Variants in MCC observed in about 807,000 individuals in gnomAD.
MCC encodes the protein MCC regulator of Wnt signaling pathway, also known as colorectal mutant cancer protein.
MCC carries 90 observed loss-of-function variants against 116.2 expected under a neutral mutation model. That is an observed-to-expected ratio of 0.77 (90% CI 0.65 to 0.92). The LOEUF is 0.92. Ranked by LOEUF, MCC falls within the 40% of genes least tolerant of loss-of-function variation. The pLI is 0.00. For missense variants in MCC, 1,516 were observed against 1,312.2 expected (o/e 1.16, Z -2.40); for synonymous variants, 578 against 510.5 (o/e 1.13, Z -1.78).
At chr5:113,420,420 C>T (rs568056624) in intron 1 of MCC, among the ~76,000 whole-genome samples, 3 of 152,228 alleles carry the variant, frequency 2.0e-5, no homozygotes, top group African/African-American at 7.2e-5. Context: ...TTTGCCTTAT[C>T]CCTTGAGCAA....
chr5:113,133,992 G>A (rs1351315074), intron 5 of MCC, among the ~76,000 whole-genome samples: 1 of 152,124 alleles, frequency 6.6e-6, no homozygotes, highest in Non-Finnish European at 1.5e-5. Context: ...CCTTGCCAAT[G>A]GACAGTGTGC....
At chr5:113,414,252 G>A (rs981549744) in intron 1 of MCC, among the ~76,000 whole-genome samples, 6 of 152,146 alleles carry the variant, frequency 3.9e-5, no homozygotes, top group South Asian at 2.1e-4. Flanking sequence ...CTGTTGATTC[G>A]GGGTGGAGAG....
intron 14 of MCC, among the ~76,000 whole-genome samples, chr5:113,058,307 A>G (rs1474161123): frequency 6.6e-6 from 1 of 152,210 alleles, no homozygotes; most frequent in Non-Finnish European, 1.5e-5. Context: ...TCCATTTAGC[A>G]GGACTGGTCC....
intron 1 of MCC, among the ~76,000 whole-genome samples, chr5:113,464,642 T>C (rs1771846158): frequency 1.3e-5 from 2 of 152,322 alleles, no homozygotes; most frequent in Admixed American, 1.3e-4. Context: ...TCCTGTCCCA[T>C]GTAAGTTTCT....
At chr5:113,094,611 G>A (rs1270631269) in intron 8 of MCC, among the ~76,000 whole-genome samples, 2 of 151,864 alleles carry the variant, frequency 1.3e-5, no homozygotes, top group South Asian at 2.1e-4. Context: ...TAGTAGAGAC[G>A]GGGTTTCACT....
chr5:113,256,575 T>G (rs1765014066), intron 3 of MCC, among the ~76,000 whole-genome samples: 2 of 152,148 alleles, frequency 1.3e-5, no homozygotes, highest in African/African-American at 4.8e-5. Context: ...AAACGTCAAG[T>G]TCAATAAACT....
rs1771417181 is a variant in MCC, at chr5:113,452,121, A to G, written c.170+36124T>C. On this transcript the variant is annotated intron_variant, in intron 1 of 18. Transcript: ENST00000408903. The stretch of plus-strand genomic sequence containing the variant: ...ACTTAATATGACTGGGGCTTCCAAG[A>G]GGGTGCAAATGGAAACTGCCAGGAC... Among the ~76,000 whole-genome samples, 11 of 152,286 alleles carry G rather than the reference A, an allele frequency of 7.2e-5. No homozygotes were observed. The South Asian group carries it at 2.3e-3, about 32-fold the overall frequency.
At chr5:113,088,441 C>G (rs1755356898) in intron 8 of MCC, among the ~76,000 whole-genome samples, 1 of 150,950 alleles carries the variant, frequency 6.6e-6, no homozygotes, top group Non-Finnish European at 1.5e-5. Context: ...AAATTTGAAT[C>G]CTCAGTACCC....
At chr5:113,485,936 C>G (rs1772512355) in intron 1 of MCC, among the ~76,000 whole-genome samples, 1 of 152,182 alleles carries the variant, frequency 6.6e-6, no homozygotes, top group African/African-American at 2.4e-5. Flanking sequence ...ATGCACAACC[C>G]TCCAAACCAC....
intron 2 of MCC, among the ~76,000 whole-genome samples, chr5:113,372,086 G>A (rs1768849459): frequency 6.6e-6 from 1 of 152,156 alleles, no homozygotes; most frequent in Admixed American, 6.5e-5. Flanking sequence ...AGAGAAAATA[G>A]ATGAACAATT....
chr5:113,105,683 T>C (rs1472307348), intron 6 of MCC, among the ~76,000 whole-genome samples: 1 of 152,180 alleles, frequency 6.6e-6, no homozygotes, highest in Non-Finnish European at 1.5e-5. Context: ...TATTACCATC[T>C]CTACTGACAC....
intron 1 of MCC, among the ~76,000 whole-genome samples, chr5:113,396,638 AG>A (rs1174779652): frequency 6.6e-6 from 1 of 152,184 alleles, no homozygotes; most frequent in Non-Finnish European, 1.5e-5. Context: ...GTGGTCATTT[AG>A]GTACTTGCAA....
At chr5:113,171,644 C>T (rs1370599841) in intron 3 of MCC, among the ~76,000 whole-genome samples, 6 of 152,060 alleles carry the variant, frequency 3.9e-5, no homozygotes, top group African/African-American at 1.2e-4. Context: ...CATGAGCCAC[C>T]GCGCCTGGCC....
intron 3 of MCC, among the ~76,000 whole-genome samples, chr5:113,315,202 CT>C (rs1767248240): frequency 6.6e-6 from 1 of 152,150 alleles, no homozygotes; most frequent in Non-Finnish European, 1.5e-5. Context: ...CCAAATTTAT[CT>C]CTGGTCCTCA....
intron 4 of MCC, among the ~76,000 whole-genome samples, chr5:113,148,038 T>C (rs1050503028): frequency 2.0e-5 from 3 of 152,232 alleles, no homozygotes; most frequent in Non-Finnish European, 2.9e-5. Context: ...ATAAGCTTGT[T>C]TGACATATCT....
At chr5:113,145,554 A>C (rs971553109) in intron 4 of MCC, among the ~76,000 whole-genome samples, 15 of 152,184 alleles carry the variant, frequency 9.9e-5, no homozygotes, top group Non-Finnish European at 2.1e-4. Context: ...TGAACAATGA[A>C]GATGTTCAAG....
Position 113,025,170 on chromosome 5 carries a change from A to G in MCC, c.*2132T>C, listed in dbSNP as rs1388013712. 1.3e-5 allele frequency: 2 copies of G among 152,176 alleles called. No individual in the cohort carries two copies. Among genetic ancestry groups the G allele is most frequent in the Admixed American group, 1.3e-4 (2 of 15,268 alleles). 9.4% of individuals were successfully genotyped at this position (152,176 alleles called of 1,614,324 possible). A position where few individuals can be genotyped will look rare whatever the true frequency, so the allele number is the denominator to read the frequency against. On this transcript the variant is annotated 3_prime_UTR_variant, in exon 19 of 19. Transcript: ENST00000408903. ...ATTTGATGCCTGCTTAATCACAAAA[A>G]AGAGCCATGCACATCCCACTTTGCT...
rs1442002715 is a variant in MCC, at chr5:113,256,589, C to T, written c.627+83930G>A. On this transcript the variant is annotated intron_variant, in intron 3 of 18. Transcript: ENST00000408903. Reference sequence around the variant, plus strand: ...GAAACGTCAAGTTCAATAAACTTGCCTACCTATATATTAGGTAGACAGCTG... The same window carrying T: ...GAAACGTCAAGTTCAATAAACTTGCTTACCTATATATTAGGTAGACAGCTG... Among the ~76,000 whole-genome samples the T allele has an allele frequency of 7.5e-5, 11 of 146,714 alleles. No homozygotes were observed. In the East Asian group the frequency reaches 1.6e-3, roughly 21 times the overall value.
At chr5:113,400,483 T>C (rs561669338) in intron 1 of MCC, among the ~76,000 whole-genome samples, 7 of 152,310 alleles carry the variant, frequency 4.6e-5, no homozygotes, top group East Asian at 3.9e-4. Flanking sequence ...GAAAATACTT[T>C]AATGTATTTC....
Sources: gnomAD v4.1 joint callset for allele counts (sites outside exome capture counted in the v4.1 genomes callset) on GRCh38, gnomAD v4.1.1 for gene constraint, MANE v1.5 for transcripts, NCBI Gene and HGNC (gene_info 2026-07-23, HGNC 2026-07-21) for gene names.